Variants in PPP2R2B observed in about 807,000 individuals in gnomAD.
PPP2R2B encodes the protein protein phosphatase 2 regulatory subunit Bbeta, also known as serine/threonine-protein phosphatase 2A 55 kDa regulatory subunit B beta isoform.
Under a neutral mutation model 46.0 loss-of-function variants are expected in PPP2R2B, and 5 were observed. The observed-to-expected ratio is 0.11, with a 90% confidence interval of 0.06 to 0.23. PPP2R2B has a LOEUF of 0.23. Among genes scored for constraint, PPP2R2B ranks in the 10% least tolerant of loss-of-function variants. The probability of loss-of-function intolerance (pLI) is 1.00; values close to 1 mark genes in which losing one functional copy is unlikely to be tolerated. For missense variants in PPP2R2B, 367 were observed against 575.0 expected, an observed-to-expected ratio of 0.64 and a Z score of 3.70; for synonymous variants, 215 against 206.7, an observed-to-expected ratio of 1.04 and a Z score of -0.34.
intron 1 of PPP2R2B, among the ~76,000 whole-genome samples, chr5:146,992,392 T>A (rs901875496): frequency 6.6e-6 from 1 of 152,254 alleles, no homozygotes; most frequent in Admixed American, 6.5e-5. Flanking sequence ...GCCACTTCCT[T>A]CTGGCTTCTG....
intron 1 of PPP2R2B, among the ~76,000 whole-genome samples, chr5:146,918,950 G>A (rs950842858): frequency 3.9e-5 from 6 of 152,148 alleles, no homozygotes; most frequent in East Asian, 1.9e-4. Context: ...GGCTGACACC[G>A]TGTCTACTAA....
At chr5:146,834,589 C>G (rs751939216) in intron 2 of PPP2R2B, among the ~76,000 whole-genome samples, 5 of 152,162 alleles carry the variant, frequency 3.3e-5, no homozygotes, top group Admixed American at 6.5e-5. Flanking sequence ...AAAAGTCATA[C>G]ATCTTTATTA....
chr5:146,966,723 G>A (rs1752433478), intron 1 of PPP2R2B, among the ~76,000 whole-genome samples: 1 of 152,168 alleles, frequency 6.6e-6, no homozygotes, highest in Non-Finnish European at 1.5e-5. Flanking sequence ...CAGCGTAGGA[G>A]CACAAAAATA....
At chr5:146,617,395 T>G (rs377303073) in intron 7 of PPP2R2B, among the ~76,000 whole-genome samples, 2 of 152,204 alleles carry the variant, frequency 1.3e-5, no homozygotes, top group African/African-American at 2.4e-5. Context: ...AGTACATGCT[T>G]GAGGTGATGA....
intron 2 of PPP2R2B, among the ~76,000 whole-genome samples, chr5:146,832,333 C>CCATTCATGG (rs1182179414): frequency 6.6e-6 from 1 of 150,900 alleles, no homozygotes; most frequent in Non-Finnish European, 1.5e-5. Flanking sequence ...CCTGAAAGCT[C>CCATTCATGG]CATTCATGGT....
chr5:147,024,857 G>T (rs990193551), intron 1 of PPP2R2B, among the ~76,000 whole-genome samples: 5 of 151,948 alleles, frequency 3.3e-5, no homozygotes, highest in Admixed American at 2.0e-4. Flanking sequence ...GCTTATGTTA[G>T]AAAATATAAG....
At chr5:147,015,586 C>T (rs538030804) in intron 1 of PPP2R2B, among the ~76,000 whole-genome samples, 3 of 151,706 alleles carry the variant, frequency 2.0e-5, no homozygotes, top group Admixed American at 2.0e-4. Flanking sequence ...CTGAGTCTTA[C>T]GGTTGGCTGA....
intron 2 of PPP2R2B, among the ~76,000 whole-genome samples, chr5:146,763,194 C>T (rs910780544): frequency 6.6e-6 from 1 of 152,186 alleles, no homozygotes; most frequent in Non-Finnish European, 1.5e-5. Context: ...GCTTTTGCTC[C>T]ACGACCTGCT....
chr5:146,874,200 C>T (rs917918503), intron 2 of PPP2R2B, among the ~76,000 whole-genome samples: 4 of 152,190 alleles, frequency 2.6e-5, no homozygotes, highest in African/African-American at 9.7e-5. Context: ...TTATTTGTCT[C>T]ATACTATCTC....
chr5:146,830,838 TCA>T (rs757765679), intron 2 of PPP2R2B, among the ~76,000 whole-genome samples: 10 of 152,198 alleles, frequency 6.6e-5, no homozygotes, highest in Non-Finnish European at 1.3e-4. Context: ...TACTATCATT[TCA>T]CAAAGCGATT....
chr5:146,694,050 A>G (rs1779034532), intron 4 of PPP2R2B, among the ~76,000 whole-genome samples: 1 of 152,194 alleles, frequency 6.6e-6, no homozygotes, highest in African/African-American at 2.4e-5. Context: ...TCTTCTAAGC[A>G]GGAGATGTGG....
In PPP2R2B at chr5:146,974,985, C is replaced by T. The variant is rs140030266; in HGVS notation, c.79+80680G>A. Among the ~76,000 whole-genome samples, 1,135 of 152,064 alleles carry T rather than the reference C, an allele frequency of 7.5e-3. 12 individuals are homozygous for T. The highest frequency in any genetic ancestry group is 0.026 in the African/African-American group (1,082 of 41,480). ...ACTACAGGCGTGAACCACCGTGCCC[C>T]GCCTATTTTTTAAATTTCATAAGTT... On this transcript the variant is annotated intron_variant, in intron 1 of 8. Transcript: ENST00000336640.
At chr5:146,645,237 T>C (rs1775500431) in intron 6 of PPP2R2B, among the ~76,000 whole-genome samples, 1 of 152,238 alleles carries the variant, frequency 6.6e-6, no homozygotes, top group Non-Finnish European at 1.5e-5. Context: ...CTAAATTTAA[T>C]CTTTGGATAT....
chr5:147,020,131 C>T (rs1487510864), intron 1 of PPP2R2B, among the ~76,000 whole-genome samples: 1 of 152,014 alleles, frequency 6.6e-6, no homozygotes, highest in African/African-American at 2.4e-5. Flanking sequence ...TATAGCTTTC[C>T]CCACTCAGAT....
chr5:146,692,287 C>T (rs769326224), intron 4 of PPP2R2B, among the ~76,000 whole-genome samples: 1 of 152,142 alleles, frequency 6.6e-6, no homozygotes, highest in Non-Finnish European at 1.5e-5. Context: ...CCTTTTGCTG[C>T]CTCTATGGAG....
chr5:146,696,106 A>G (rs1779161627), intron 4 of PPP2R2B, among the ~76,000 whole-genome samples: 2 of 150,622 alleles, frequency 1.3e-5, no homozygotes, highest in Non-Finnish European at 3.0e-5. Flanking sequence ...TAAATCCTTG[A>G]GTTTTTTTTT....
chr5:146,830,526 T>C (rs1455736029), intron 2 of PPP2R2B, among the ~76,000 whole-genome samples: 1 of 147,396 alleles, frequency 6.8e-6, no homozygotes, highest in African/African-American at 2.5e-5. Context: ...TTCTGTATAT[T>C]GGCTTTTTTT....
intron 5 of PPP2R2B, among the ~76,000 whole-genome samples, chr5:146,673,202 A>G (rs1270430940): frequency 6.6e-6 from 1 of 152,212 alleles, no homozygotes; most frequent in African/African-American, 2.4e-5. Flanking sequence ...TCTACCTGAT[A>G]ATTTGGCATG....
At chr5:146,766,059 T>C (rs1754459355) in intron 2 of PPP2R2B, among the ~76,000 whole-genome samples, 2 of 152,196 alleles carry the variant, frequency 1.3e-5, no homozygotes. Flanking sequence ...TATCATTAAA[T>C]CATTAATAAT....
Sources: gnomAD v4.1 joint callset for allele counts (sites outside exome capture counted in the v4.1 genomes callset) on GRCh38, gnomAD v4.1.1 for gene constraint, MANE v1.5 for transcripts, NCBI Gene and HGNC (gene_info 2026-07-23, HGNC 2026-07-21) for gene names.